The following DEFB128 variants were observed in gnomAD, a reference collection of about 807,000 sequenced individuals.
DEFB128 encodes the protein beta-defensin 128.
Under a neutral mutation model 2.4 loss-of-function variants are expected in DEFB128, and 1 was observed. That is an observed-to-expected ratio of 0.41 (90% CI 0.15 to 1.96). The LOEUF (loss-of-function observed/expected upper bound fraction) is 1.96. Among genes scored for constraint, DEFB128 ranks in the 30% most tolerant of loss-of-function variants. The probability of loss-of-function intolerance (pLI) is 0.30; values close to 1 mark genes in which losing one functional copy is unlikely to be tolerated. For missense variants in DEFB128, 129 were observed against 104.9 expected, an observed-to-expected ratio of 1.23 and a Z score of -1.00; for synonymous variants, 59 against 39.1, an observed-to-expected ratio of 1.51 and a Z score of -1.89.
intron 1 of DEFB128, among the ~76,000 whole-genome samples, chr20:188,446 G>C (rs998340014): frequency 6.6e-6 from 1 of 152,138 alleles, no homozygotes; most frequent in African/African-American, 2.4e-5. Flanking sequence ...AAGCTCCAAA[G>C]TCAGCACTCT....
At chr20:189,279 G>A (rs1382871731) in intron 1 of DEFB128, among the ~76,000 whole-genome samples, 1 of 152,144 alleles carries the variant, frequency 6.6e-6, no homozygotes, top group East Asian at 1.9e-4. Context: ...GAATTTGAAT[G>A]GAAAAGGGAA....
At chr20:188,893 T>C (rs1194602294) in intron 1 of DEFB128, among the ~76,000 whole-genome samples, 7 of 152,136 alleles carry the variant, frequency 4.6e-5, no homozygotes, top group Non-Finnish European at 1.0e-4. Context: ...AAGAATAAGG[T>C]TGGAGAAGAG....
intron 1 of DEFB128, among the ~76,000 whole-genome samples, chr20:189,300 C>T (rs1435797713): frequency 1.3e-5 from 2 of 152,126 alleles, no homozygotes; most frequent in Non-Finnish European, 2.9e-5. Context: ...TGGCCAGGCT[C>T]TCAGGTGAAA....
chr20:188,808 A>G (rs1057220425), intron 1 of DEFB128, among the ~76,000 whole-genome samples: 1 of 152,176 alleles, frequency 6.6e-6, no homozygotes, highest in African/African-American at 2.4e-5. Flanking sequence ...ACCTTCTCAG[A>G]GTAATGCACT....
intron 1 of DEFB128, among the ~76,000 whole-genome samples, chr20:188,341 T>G (rs545054576): frequency 3.3e-5 from 5 of 152,216 alleles, no homozygotes; most frequent in Non-Finnish European, 5.9e-5. Flanking sequence ...ACATTAGAAC[T>G]GATATGACAA....
chr20:189,601 A>G lies in DEFB128; in HGVS notation c.23T>C (p.Ile8Thr). The G allele has an allele frequency of 1.2e-6, 2 of 1,613,944 alleles. No individual in the cohort carries two copies. Among genetic ancestry groups the G allele is most frequent in the South Asian group, 1.1e-5 (1 of 91,066 alleles). The stretch of plus-strand genomic sequence containing the variant: ...TGTGAGTACCTCAAACAGCAGAATA[A>G]TGAGAACCAGAAACAGCTTCATATT... Reference protein sequence around the residue: MKLFLVLIILLFEVLTDG... With the variant: MKLFLVLTILLFEVLTDG... Residue 8 changes from isoleucine to threonine, a missense_variant, in exon 1 of 2, where the codon ATT (isoleucine) becomes ACT (threonine). Coordinates refer to ENST00000334391, the MANE Select transcript of DEFB128 (RefSeq NM_001037732.3).
chr20:188,167 C>T, intron 1 of DEFB128, 49 bp from the exon 2 acceptor site: 1 of 1,551,730 alleles, frequency 6.4e-7, no homozygotes, highest in Non-Finnish European at 8.9e-7. Context: ...TAAGGAAGAG[C>T]AGAAGAGGTA....
chr20:189,501 T>C (rs1025963208), intron 1 of DEFB128, 74 bp downstream of exon 1: 1 of 1,517,446 alleles, frequency 6.6e-7, no homozygotes. Context: ...ATATAAATAA[T>C]CTTGAAAGTC....
rs756595918 is a variant in DEFB128, at chr20:187,908, G to A, written c.260C>T (p.Thr87Ile). The change falls in exon 2 of 2, where the codon ACC becomes ATC. Residue 87 changes from threonine (T) to isoleucine (I), a missense_variant. Thr to Ile is a moderately conservative substitution (Grantham distance 89). Coordinates refer to ENST00000334391, the MANE Select transcript of DEFB128 (RefSeq NM_001037732.3). Reference sequence around the variant, plus strand: ...GGATTAGACTGTGAAAATGGTGATGGTGGGTAAGATGATGTAATCCTGCAG... The same window carrying A: ...GGATTAGACTGTGAAAATGGTGATGATGGGTAAGATGATGTAATCCTGCAG... ...SVLQDYIILP[T>I]ITIFTV The A allele has an allele frequency of 6.2e-7, 1 of 1,613,912 alleles. No homozygotes were observed. Among genetic ancestry groups the A allele is most frequent in the Non-Finnish European group, 8.5e-7 (1 of 1,179,890 alleles).
chr20:189,684 A>G lies in DEFB128; in HGVS notation c.-61T>C. Reference sequence around the variant, plus strand: ...CTTTGTCCAGTGGTCTGTGTGCCACAGGTCTTTAAAGATGATCCAGAGTTT... The same window carrying G: ...CTTTGTCCAGTGGTCTGTGTGCCACGGGTCTTTAAAGATGATCCAGAGTTT... On this transcript the variant is annotated 5_prime_UTR_variant, in exon 1 of 2. Coordinates refer to ENST00000334391, the MANE Select transcript of DEFB128 (RefSeq NM_001037732.3). 1 of 1,564,768 alleles carries G rather than the reference A, an allele frequency of 6.4e-7. No individual in the cohort carries two copies. The highest frequency in any genetic ancestry group is 8.8e-7 in the Non-Finnish European group (1 of 1,136,762).
rs1392000955 is a variant in DEFB128, at chr20:187,906, T to C, written c.262A>G (p.Ile88Val). The C allele has an allele frequency of 6.2e-7, 1 of 1,613,954 alleles. No individual in the cohort carries two copies. Among genetic ancestry groups the C allele is most frequent in the East Asian group, 2.2e-5 (1 of 44,874 alleles). Reference protein sequence around the residue: ...VLQDYIILPTITIFTV With the variant: ...VLQDYIILPTVTIFTV Reference sequence around the variant, plus strand: ...TAGGATTAGACTGTGAAAATGGTGATGGTGGGTAAGATGATGTAATCCTGC... The same window carrying C: ...TAGGATTAGACTGTGAAAATGGTGACGGTGGGTAAGATGATGTAATCCTGC... The change falls in exon 2 of 2, where the codon ATC (isoleucine) becomes GTC (valine). Residue 88 changes from isoleucine to valine, a missense_variant. Physicochemically the swap from Ile to Val is conservative, Grantham distance 29. Transcript: ENST00000334391.
rs758459228 is a variant in DEFB128 at position 187,918 on chromosome 20, T to C, written c.250A>G (p.Ile84Val). The C allele has an allele frequency of 1.2e-6, 2 of 1,613,984 alleles. No homozygotes were observed. Among genetic ancestry groups the C allele is most frequent in the East Asian group, 4.5e-5 (2 of 44,870 alleles). Residue 84 changes from isoleucine to valine, a missense_variant, in exon 2 of 2, where the codon ATC becomes GTC. Physicochemically the swap from Ile to Val is conservative, Grantham distance 29. Coordinates refer to ENST00000334391, the MANE Select transcript of DEFB128 (RefSeq NM_001037732.3). ...EKLSVLQDYIILPTITIFTV is the reference protein window; with the variant it reads ...EKLSVLQDYIVLPTITIFTV ...GTGAAAATGGTGATGGTGGGTAAGATGATGTAATCCTGCAGCACACTCAGC... is the reference window on the plus strand; with the variant it reads ...GTGAAAATGGTGATGGTGGGTAAGACGATGTAATCCTGCAGCACACTCAGC...
intron 1 of DEFB128, among the ~76,000 whole-genome samples, chr20:188,762 A>C (rs1232362442): frequency 1.3e-5 from 2 of 152,112 alleles, no homozygotes; most frequent in Non-Finnish European, 2.9e-5. Context: ...GATCAAATTC[A>C]ATTCCATGAA....
chr20:189,542 C>A, intron 1 of DEFB128, 33 bp downstream of exon 1: 1 of 1,602,732 alleles, frequency 6.2e-7, no homozygotes, highest in South Asian at 1.1e-5. Context: ...AGTAATATCT[C>A]TTAGGATGTT....
chr20:188,246 C>T, intron 1 of DEFB128, 128 bp from the exon 2 acceptor site: 1 of 848,426 alleles, frequency 1.2e-6, no homozygotes, highest in Non-Finnish European at 1.9e-6. Context: ...TAAAAGGAAA[C>T]TCAGAGGCCC....
intron 1 of DEFB128, 34 bp from the exon 2 acceptor site, chr20:188,152 G>C (rs777231085): frequency 6.3e-7 from 1 of 1,592,704 alleles, no homozygotes; most frequent in South Asian, 1.1e-5. Flanking sequence ...ACCAAGGTTA[G>C]TGCGTAAGGA....
In DEFB128 at chr20:188,031, C is replaced by A. The variant is rs1446050314; in HGVS notation, c.137G>T (p.Cys46Phe). The A allele has an allele frequency of 6.2e-7, 1 of 1,614,054 alleles. No individual in the cohort carries two copies. The highest frequency in any genetic ancestry group is 1.7e-5 in the Admixed American group (1 of 60,016). Residue 46 changes from cysteine to phenylalanine, a missense_variant, in exon 2 of 2, where the codon TGT becomes TTT. Physicochemically the swap from Cys to Phe is radical, Grantham distance 205 (BLOSUM62 -2). Transcript: ENST00000334391. ...CKVGERYEIGCLSGKLCCAND... is the reference protein window; with the variant it reads ...CKVGERYEIGFLSGKLCCAND... The stretch of plus-strand genomic sequence containing the variant: ...AGCACAACATAATTTCCCACTTAGA[C>A]ATCCTATTTCATATCTTTCTCCTAC...
Position 188,081 on chromosome 20 carries a change from T to C in DEFB128, c.87A>G (p.Thr29=). 1 of 1,614,044 alleles carries C rather than the reference T, an allele frequency of 6.2e-7. No homozygotes were observed. The highest frequency in any genetic ancestry group is 8.5e-7 in the Non-Finnish European group (1 of 1,179,936). ...CCTTGCATTTCTTCCTGCAATAGCC[T>C]GTTACTTTATTGAAGCATTTTTTGA... ...ARLKKCFNKV[T]GYCRKKCKVG... is the part of the protein sequence containing the mutation. Residue 29 remains threonine, a synonymous_variant, in exon 2 of 2, where the codon ACA becomes ACG. Coordinates refer to ENST00000334391, the MANE Select transcript of DEFB128 (RefSeq NM_001037732.3).
Position 188,043 on chromosome 20 carries a change from T to C in DEFB128, c.125A>G (p.Tyr42Cys). 1.2e-6 allele frequency: 2 copies of C among 1,614,148 alleles called. No individual in the cohort carries two copies. Among genetic ancestry groups the C allele is most frequent in the Admixed American group, 1.7e-5 (1 of 60,026 alleles). The change falls in exon 2 of 2, where the codon TAT becomes TGT. Residue 42 changes from tyrosine (Y) to cysteine (C), a missense_variant. Physicochemically the swap from Tyr to Cys is radical, Grantham distance 194 (BLOSUM62 -2). Coordinates refer to ENST00000334391, the MANE Select transcript of DEFB128 (RefSeq NM_001037732.3). Reference sequence around the variant, plus strand: ...TTTCCCACTTAGACATCCTATTTCATATCTTTCTCCTACCTTGCATTTCTT... The same window carrying C: ...TTTCCCACTTAGACATCCTATTTCACATCTTTCTCCTACCTTGCATTTCTT... ...CRKKCKVGER[Y>C]EIGCLSGKLC...
Sources: allele counts gnomAD v4.1 joint callset (sites outside exome capture counted in the v4.1 genomes callset), GRCh38; gene constraint gnomAD v4.1.1; transcripts MANE v1.5; gene names NCBI Gene and HGNC (gene_info 2026-07-23, HGNC 2026-07-21).